Variants in MGRN1 observed in about 807,000 individuals in gnomAD.
MGRN1 encodes mahogunin ring finger 1.
A neutral mutation model predicts 69.2 loss-of-function variants in MGRN1; 29 were observed. That is an observed-to-expected ratio of 0.42 (90% CI 0.31 to 0.57). MGRN1 has a LOEUF of 0.57. Ranked by LOEUF, MGRN1 falls within the 20% of genes least tolerant of loss-of-function variation. The pLI, the probability that MGRN1 is intolerant of heterozygous loss-of-function variation, is 0.15. For missense variants in MGRN1, 998 were observed against 796.2 expected (o/e 1.25, Z -3.05); for synonymous variants, 470 against 344.2 (o/e 1.37, Z -4.04).
At chr16:4,652,942 C>T (rs149228448) in intron 4 of MGRN1, 118 bp downstream of exon 4, 34,511 of 1,295,806 alleles carry the variant, frequency 0.027, 579 homozygotes, top group South Asian at 0.04. Flanking sequence ...TGACCATACT[C>T]CCAGGACTTT....
chr16:4,663,301 T>G (rs1596296804), intron 5 of MGRN1, among the ~76,000 whole-genome samples: 1 of 150,228 alleles, frequency 6.7e-6, no homozygotes, highest in Non-Finnish European at 1.5e-5. Flanking sequence ...TGACCTCAGG[T>G]GATCCGCCAC....
rs1370390381 is a variant in MGRN1, at chr16:4,688,977, C to T, written c.*69C>T. The T allele has an allele frequency of 2.0e-6, 3 of 1,463,476 alleles. No individual in the cohort carries two copies. The highest frequency in any genetic ancestry group is 2.4e-5 in the Admixed American group (1 of 42,008). 90.7% of individuals were successfully genotyped at this position (1,463,476 alleles called of 1,614,324 possible). A position where few individuals can be genotyped will look rare whatever the true frequency, so the allele number is the denominator to read the frequency against. ...CTTTGCCGAGGGGCTGCTCCGGACC[C>T]CGTTGTGAGCCGGCCTCCTGTCTGC... On this transcript the variant is annotated 3_prime_UTR_variant, in exon 17 of 17. Coordinates refer to ENST00000262370, the MANE Select transcript of MGRN1 (RefSeq NM_015246.4).
At chr16:4,651,546 G>A (rs193126783) in intron 2 of MGRN1, among the ~76,000 whole-genome samples, 3 of 152,296 alleles carry the variant, frequency 2.0e-5, no homozygotes, top group East Asian at 1.9e-4. Context: ...ACAGGAGGCC[G>A]GAAGAGCCAG....
chr16:4,687,760 G>A lies in MGRN1; in HGVS notation c.1619-1036G>A, dbSNP rs566639664. The stretch of plus-strand genomic sequence containing the variant: ...GCAGCCTGCTGGGAGGTGCCTGGCC[G>A]GGGGTGCAGGCTCTAAGAGGCCCTT... On this transcript the variant is annotated intron_variant, in intron 16 of 16. Transcript: ENST00000262370. The A allele has an allele frequency of 2.8e-5, 28 of 985,424 alleles. No homozygotes were observed. The Admixed American group carries it at 8.6e-4, about 30-fold the overall frequency. 61.0% of individuals were successfully genotyped at this position (985,424 alleles called of 1,614,324 possible). A position where few individuals can be genotyped will look rare whatever the true frequency, so the allele number is the denominator to read the frequency against.
intron 9 of MGRN1, 123 bp from the exon 10 acceptor site, chr16:4,673,375 C>T (rs937800583): frequency 2.2e-5 from 30 of 1,334,832 alleles, no homozygotes; most frequent in Non-Finnish European, 3.1e-5. Flanking sequence ...CCCCTCTGGA[C>T]TTCTCTTTGT....
rs1408390655 is a variant in MGRN1 at position 4,682,847 on chromosome 16, C to T, written c.1383C>T (p.Pro461=). The T allele has an allele frequency of 1.9e-6, 3 of 1,603,230 alleles. No homozygotes were observed. In the South Asian group the frequency reaches 3.3e-5, roughly 18 times the overall value. ...GCACCCTACGGTCCCCGTCTTCCCC[C>T]ATCCACGAAGAGGATGAGGAGAAGC... is the stretch of plus-strand genomic sequence containing the variant. ...PDSTLRSPSS[P]IHEEDEEKLS... The change falls in exon 14 of 17, where the codon CCC becomes CCT. Residue 461 remains proline (P), a synonymous_variant. Transcript: ENST00000262370.
At chr16:4,660,008 C>A (rs145792365) in intron 5 of MGRN1, among the ~76,000 whole-genome samples, 5 of 152,294 alleles carry the variant, frequency 3.3e-5, no homozygotes, top group African/African-American at 1.2e-4. Flanking sequence ...GCAGCCAGGC[C>A]GCAGAGACCT....
chr16:4,655,447 CT>C (rs113846512), intron 4 of MGRN1, among the ~76,000 whole-genome samples: 3,098 of 151,924 alleles, frequency 0.02, 53 homozygotes, highest in South Asian at 0.035. Flanking sequence ...CCAGCTTCCC[CT>C]CCCAGCAGGA....
At chr16:4,687,186 C>T (rs2079342741) in intron 16 of MGRN1, 2 of 976,600 alleles carry the variant, frequency 2.0e-6, no homozygotes, top group South Asian at 4.8e-5. Flanking sequence ...ATAGGAGGCC[C>T]TGTGAGGTTG....
Position 4,682,889 on chromosome 16 carries a change from C to A in MGRN1, c.1425C>A (p.Asp475Glu). 2 of 1,609,282 alleles carry A rather than the reference C, an allele frequency of 1.2e-6. No individual in the cohort carries two copies. Among genetic ancestry groups the A allele is most frequent in the Non-Finnish European group, 1.7e-6 (2 of 1,176,818 alleles). The change falls in exon 14 of 17, where the codon GAC (aspartate) becomes GAA (glutamate). Residue 475 changes from aspartate (D) to glutamate (E), a missense_variant. Transcript: ENST00000262370. ...EDEEKLSEDVDAPPPLGGAEL... is the reference protein window; with the variant it reads ...EDEEKLSEDVEAPPPLGGAEL... Reference sequence around the variant, plus strand: ...AGGAGAAGCTCTCCGAGGACGTGGACGCCCCTCCCCCACTGGGTGGCGCAG... The same window carrying A: ...AGGAGAAGCTCTCCGAGGACGTGGAAGCCCCTCCCCCACTGGGTGGCGCAG...
chr16:4,677,837 T>C (rs1348477067), intron 11 of MGRN1, among the ~76,000 whole-genome samples: 1 of 11,548 alleles, frequency 8.7e-5, no homozygotes, highest in African/African-American at 2.0e-4. Context: ...AGCCAGGTGC[T>C]TTTTTTTTTT....
At chr16:4,686,374 C>G (rs2079319411) in intron 16 of MGRN1, 2 of 1,516,692 alleles carry the variant, frequency 1.3e-6, no homozygotes, top group South Asian at 2.5e-5. Flanking sequence ...CTCCCCTGCT[C>G]TCTGGCGGGG....
chr16:4,641,218 G>A (rs114314705), intron 1 of MGRN1, among the ~76,000 whole-genome samples: 8,123 of 152,286 alleles, frequency 0.053, 713 homozygotes, highest in African/African-American at 0.19. Context: ...TGAGGCAAAG[G>A]AAAGGGCGGC....
At chr16:4,630,356 A>G (rs1383048025) in intron 1 of MGRN1, among the ~76,000 whole-genome samples, 1 of 149,636 alleles carries the variant, frequency 6.7e-6, no homozygotes, top group Non-Finnish European at 1.5e-5. Flanking sequence ...CGCCGTCTCA[A>G]AAAAAAAAAA....
chr16:4,661,664 G>A (rs527707836), intron 5 of MGRN1, among the ~76,000 whole-genome samples: 6 of 152,360 alleles, frequency 3.9e-5, no homozygotes, highest in South Asian at 2.1e-4. Flanking sequence ...CAGAGACCAC[G>A]GCACTTCTCA....
intron 4 of MGRN1, among the ~76,000 whole-genome samples, chr16:4,654,073 T>G (rs960995074): frequency 1.6e-4 from 25 of 152,124 alleles, no homozygotes; most frequent in African/African-American, 5.3e-4. Context: ...GGTTTTTGTT[T>G]GTTTTTCCTC....
In MGRN1 at chr16:4,665,089, C is replaced by T; in HGVS notation, c.629-13C>T. The T allele has an allele frequency of 1.9e-6, 3 of 1,614,230 alleles. No homozygotes were observed. Among genetic ancestry groups the T allele is most frequent in the South Asian group, 1.1e-5 (1 of 91,088 alleles). ...CCCCGACTCTGACTACTCTGCCCCT[C>T]TCTCCCCAGCAGTGGTGGAAGTGAC... On this transcript the variant is annotated splice_polypyrimidine_tract_variant and intron_variant, in intron 6 of 16. Coordinates refer to ENST00000262370, the MANE Select transcript of MGRN1 (RefSeq NM_015246.4).
Position 4,673,367 on chromosome 16 carries a change from C to T in MGRN1, c.796-131C>T. ...CTGCTCTGGGGCAACCTCCCCCTCC[C>T]CTCTGGACTTCTCTTTGTCATGACA... On this transcript the variant is annotated intron_variant, in intron 9 of 16. Coordinates refer to ENST00000262370, the MANE Select transcript of MGRN1 (RefSeq NM_015246.4). The T allele has an allele frequency of 5.6e-6, 7 of 1,243,440 alleles. No individual in the cohort carries two copies. The Admixed American group carries it at 6.3e-5, about 11-fold the overall frequency. The allele number at this position is 1,243,440 out of a possible 1,614,324, so 77.0% of individuals were successfully genotyped here.
At position 4,687,540 on chromosome 16, in the gene MGRN1, C is replaced by A. The variant is rs183095729; in HGVS notation, c.1619-1256C>A. 1,516 of 978,130 alleles carry A rather than the reference C, an allele frequency of 1.5e-3. 25 individuals are homozygous for A. In the African/African-American group the frequency reaches 0.021, roughly 14 times the overall value. The allele number at this position is 978,130 out of a possible 1,614,324, so 60.6% of individuals were successfully genotyped here. ...AAAAAATACACACACACCCACCCAC[C>A]CACTCCAGCCTGAGACCCTGTCTCA... On this transcript the variant is annotated intron_variant, in intron 16 of 16. Transcript: ENST00000262370.
Sources: gnomAD v4.1 joint callset for allele counts (sites outside exome capture counted in the v4.1 genomes callset) on GRCh38, gnomAD v4.1.1 for gene constraint, MANE v1.5 for transcripts, NCBI Gene and HGNC (gene_info 2026-07-23, HGNC 2026-07-21) for gene names.